ITSN1: variants seen among roughly 807,000 people sequenced by gnomAD.
The protein encoded by ITSN1 is intersectin-1.
Under a neutral mutation model 239.8 loss-of-function variants are expected in ITSN1, and 58 were observed. The ratio of observed to expected loss-of-function variants is 0.24; its 90% CI spans 0.20 to 0.30. The LOEUF (loss-of-function observed/expected upper bound fraction) is 0.30, where lower values mean the gene tolerates loss of function less well. ITSN1 is among the 10% of genes least tolerant of loss of function. ITSN1 has a pLI of 1.00. For missense variants in ITSN1, 1,558 were observed against 2,103.3 expected (o/e 0.74, Z 5.07); for synonymous variants, 780 against 770.8 (o/e 1.01, Z -0.20).
chr21:33,762,290 G>A (rs1311118880), intron 9 of ITSN1, among the ~76,000 whole-genome samples: 2 of 150,876 alleles, frequency 1.3e-5, no homozygotes, highest in Non-Finnish European at 3.0e-5. Flanking sequence ...TTTTGAGATG[G>A]AGTTTTACTC....
In ITSN1 at chr21:33,896,272, A is replaced by G. The variant is rs374886857; in HGVS notation, c.*7972A>G. On this transcript the variant is annotated 3_prime_UTR_variant, in exon 40 of 40. Coordinates refer to ENST00000381318, the MANE Select transcript of ITSN1 (RefSeq NM_003024.3). ...GTTCAGGATGGGCCACAGGGCGTCAAGCAGCTGTGAGCCTTTACCATTGAG... is the reference window on the plus strand; with the variant it reads ...GTTCAGGATGGGCCACAGGGCGTCAGGCAGCTGTGAGCCTTTACCATTGAG... 6.6e-6 allele frequency: 1 copy of G among 152,286 alleles called. No individual in the cohort carries two copies. The highest frequency in any genetic ancestry group is 1.5e-5 in the Non-Finnish European group (1 of 68,078). The allele number at this position is 152,286 out of a possible 1,614,324, so 9.4% of individuals were successfully genotyped here. A position where few individuals can be genotyped will look rare whatever the true frequency, so the allele number is the denominator to read the frequency against.
In ITSN1 at chr21:33,896,170, A is replaced by G. The variant is rs1986770729; in HGVS notation, c.*7870A>G. ...GCCTGGACTAGCTAGTGGGTGTGGA[A>G]CCGAGCCCCTAGTTCACAGCTGTAC... On this transcript the variant is annotated 3_prime_UTR_variant, in exon 40 of 40. Transcript: ENST00000381318. The G allele has an allele frequency of 6.6e-6, 1 of 152,274 alleles. No individual in the cohort carries two copies. Among genetic ancestry groups the G allele is most frequent in the Non-Finnish European group, 1.5e-5 (1 of 68,056 alleles). The allele number at this position is 152,274 out of a possible 1,614,324, so 9.4% of individuals were successfully genotyped here.
At chr21:33,759,613 A>G (rs906103911) in intron 8 of ITSN1, among the ~76,000 whole-genome samples, 4 of 152,160 alleles carry the variant, frequency 2.6e-5, no homozygotes, top group Non-Finnish European at 4.4e-5. Context: ...TGCTCATTCC[A>G]TTGTACCACA....
chr21:33,765,851 T>G, intron 9 of ITSN1, 24 bp from the exon 10 acceptor site: 1 of 1,612,860 alleles, frequency 6.2e-7, no homozygotes, highest in Non-Finnish European at 8.5e-7. Context: ...GAAACCGGAT[T>G]ACAGTTAACT....
intron 10 of ITSN1, among the ~76,000 whole-genome samples, chr21:33,767,013 C>A (rs2068769655): frequency 6.6e-6 from 1 of 151,774 alleles, no homozygotes; most frequent in Non-Finnish European, 1.5e-5. Flanking sequence ...ACTAAAAATA[C>A]AAAAATTAGC....
chr21:33,894,879 G>A lies in ITSN1; in HGVS notation c.*6579G>A, dbSNP rs1325488006. ...CATTCTGTGCACTGTCACCGGCGGGGGTGGAGGGTCTCCCTGTAGGAGGAG... is the reference window on the plus strand; with the variant it reads ...CATTCTGTGCACTGTCACCGGCGGGAGTGGAGGGTCTCCCTGTAGGAGGAG... On this transcript the variant is annotated 3_prime_UTR_variant, in exon 40 of 40. Transcript: ENST00000381318. 13 of 152,244 alleles carry A rather than the reference G, an allele frequency of 8.5e-5. No individual in the cohort carries two copies. Among genetic ancestry groups the A allele is most frequent in the Admixed American group, 7.8e-4 (12 of 15,288 alleles). 9.4% of individuals were successfully genotyped at this position (152,244 alleles called of 1,614,324 possible). A position where few individuals can be genotyped will look rare whatever the true frequency, so the allele number is the denominator to read the frequency against.
chr21:33,752,056 C>G, intron 7 of ITSN1, 150 bp downstream of exon 7: 1 of 585,344 alleles, frequency 1.7e-6, no homozygotes, highest in Non-Finnish European at 3.0e-6. Flanking sequence ...TTCTTAATTT[C>G]TGGATAGTGT....
intron 4 of ITSN1, among the ~76,000 whole-genome samples, chr21:33,732,966 G>A (rs1003879067): frequency 1.1e-4 from 16 of 152,180 alleles, no homozygotes; most frequent in African/African-American, 3.9e-4. Context: ...CTTTGGTTGG[G>A]TAAACTATTG....
chr21:33,705,970 A>G (rs955746046), intron 1 of ITSN1, among the ~76,000 whole-genome samples: 1 of 152,156 alleles, frequency 6.6e-6, no homozygotes, highest in African/African-American at 2.4e-5. Flanking sequence ...CTTGAAGTAT[A>G]TATATTTATT....
At chr21:33,760,426 A>G (rs904755762) in intron 8 of ITSN1, among the ~76,000 whole-genome samples, 42 of 152,170 alleles carry the variant, frequency 2.8e-4, no homozygotes, top group African/African-American at 9.9e-4. Context: ...ACATGTATAT[A>G]TCCACATGTA....
At chr21:33,648,626 A>G (rs558845191) in intron 1 of ITSN1, among the ~76,000 whole-genome samples, 8 of 152,234 alleles carry the variant, frequency 5.3e-5, no homozygotes, top group Non-Finnish European at 8.8e-5. Context: ...TGGGAGCATT[A>G]CTTGAGCCCA....
intron 14 of ITSN1, among the ~76,000 whole-genome samples, chr21:33,776,563 A>G (rs1481170787): frequency 7.0e-6 from 1 of 142,242 alleles, no homozygotes; most frequent in Non-Finnish European, 1.5e-5. Flanking sequence ...AAAAAAAAAG[A>G]GAGAGAAAAG....
intron 22 of ITSN1, 66 bp downstream of exon 22, chr21:33,814,138 G>A: frequency 6.5e-7 from 1 of 1,533,110 alleles, no homozygotes; most frequent in Admixed American, 1.8e-5. Flanking sequence ...TTCAGCAAAT[G>A]CTTTTTGGCA....
intron 34 of ITSN1, among the ~76,000 whole-genome samples, chr21:33,876,793 G>A (rs1476102483): frequency 6.6e-6 from 1 of 152,122 alleles, no homozygotes; most frequent in East Asian, 1.9e-4. Context: ...GATTGCTTGA[G>A]CCCAGGAGTT....
At position 33,794,483 on chromosome 21, in the gene ITSN1, G is replaced by A; in HGVS notation, c.1952+15G>A. The A allele has an allele frequency of 6.2e-7, 1 of 1,602,222 alleles. No individual in the cohort carries two copies. Among genetic ancestry groups the A allele is most frequent in the East Asian group, 2.2e-5 (1 of 44,768 alleles). Reference sequence around the variant, plus strand: ...GAAGCCCAAAGGTGAGTCTTCTTTGGATTGTGGACTCATCTGGAAGGAACT... The same window carrying A: ...GAAGCCCAAAGGTGAGTCTTCTTTGAATTGTGGACTCATCTGGAAGGAACT... On this transcript the variant is annotated intron_variant, in intron 17 of 39. Coordinates refer to ENST00000381318, the MANE Select transcript of ITSN1 (RefSeq NM_003024.3).
At position 33,865,442 on chromosome 21, in the gene ITSN1, C is replaced by A; in HGVS notation, c.4074+108C>A. ...TCTGCAAGAGTGTTCCCACTAGAGG[C>A]CAACAGGGCCTAGGGTCTTGGCTAA... is the stretch of plus-strand genomic sequence containing the variant. On this transcript the variant is annotated intron_variant, in intron 32 of 39. Coordinates refer to ENST00000381318, the MANE Select transcript of ITSN1 (RefSeq NM_003024.3). This position sits in a 1 kb window ranked among gnomAD's most constrained non-coding sequence, Gnocchi z 4.4. 1 of 897,962 alleles carries A rather than the reference C, an allele frequency of 1.1e-6. No homozygotes were observed. Among genetic ancestry groups the A allele is most frequent in the Non-Finnish European group, 1.6e-6 (1 of 608,496 alleles). The allele number at this position is 897,962 out of a possible 1,614,324, so 55.6% of individuals were successfully genotyped here. A position where few individuals can be genotyped will look rare whatever the true frequency, so the allele number is the denominator to read the frequency against.
At chr21:33,802,699 G>A (rs567135599) in intron 20 of ITSN1, among the ~76,000 whole-genome samples, 3 of 152,268 alleles carry the variant, frequency 2.0e-5, no homozygotes, top group South Asian at 2.1e-4. Flanking sequence ...CAAGGGATTA[G>A]GTCAAGTCTC....
intron 34 of ITSN1, among the ~76,000 whole-genome samples, chr21:33,877,825 TTGTGTGTGTG>T (rs3835379): frequency 0.061 from 8,965 of 147,262 alleles, 407 homozygotes; most frequent in African/African-American, 0.14. Flanking sequence ...TGTTTCTATT[TTGTGTGTGTG>T]TGTGTGTGTG....
At chr21:33,802,398 C>T in intron 19 of ITSN1, 32 bp from the exon 20 acceptor site, 3 of 1,610,142 alleles carry the variant, frequency 1.9e-6, no homozygotes, top group Admixed American at 1.7e-5. Context: ...TATATTTTGC[C>T]TTGCTTTCAA....
Sources: allele counts gnomAD v4.1 joint callset (sites outside exome capture counted in the v4.1 genomes callset), GRCh38; gene constraint gnomAD v4.1.1; non-coding constraint Gnocchi (gnomAD v3.1); transcripts MANE v1.5; gene names NCBI Gene and HGNC (gene_info 2026-07-23, HGNC 2026-07-21).